The following ZSWIM5 variants were observed in gnomAD, a reference collection of about 807,000 sequenced individuals.
ZSWIM5 encodes zinc finger SWIM-type containing 5, also known as zinc finger SWIM domain-containing protein 5.
In ZSWIM5, 55 loss-of-function variants were observed where a neutral mutation model predicts 119.6. That is an observed-to-expected ratio of 0.46 (90% CI 0.37 to 0.58). The LOEUF (loss-of-function observed/expected upper bound fraction) is 0.58. Ranked by LOEUF, ZSWIM5 falls within the 20% of genes least tolerant of loss-of-function variation. ZSWIM5 has a pLI of 0.00. For missense variants in ZSWIM5, 1,193 were observed against 1,512.8 expected, an observed-to-expected ratio of 0.79 and a Z score of 3.51; for synonymous variants, 537 against 606.9, an observed-to-expected ratio of 0.88 and a Z score of 1.69.
At chr1:45,111,714 A>G (rs143406943) in intron 1 of ZSWIM5, among the ~76,000 whole-genome samples, 3 of 152,376 alleles carry the variant, frequency 2.0e-5, no homozygotes, top group Admixed American at 6.5e-5. Flanking sequence ...CGCTGTATCA[A>G]TCTGACATTG....
intron 1 of ZSWIM5, among the ~76,000 whole-genome samples, chr1:45,182,321 G>A (rs976967232): frequency 4.0e-5 from 6 of 151,670 alleles, no homozygotes; most frequent in South Asian, 4.1e-4. Flanking sequence ...GGAGAATGGC[G>A]TGAACCCAGA....
chr1:45,131,231 T>C (rs1645654675), intron 1 of ZSWIM5, among the ~76,000 whole-genome samples: 1 of 152,174 alleles, frequency 6.6e-6, no homozygotes, highest in South Asian at 2.1e-4. Flanking sequence ...GAAGGTGTTA[T>C]CATTGGGGGA....
At chr1:45,043,474 G>A in intron 5 of ZSWIM5, 79 bp from the exon 6 acceptor site, 1 of 1,412,222 alleles carries the variant, frequency 7.1e-7, no homozygotes, top group Non-Finnish European at 9.9e-7. Context: ...CAGGGTGGGA[G>A]GTTGGCTGAA....
At chr1:45,053,762 CAAAAAAAAA>C (rs10675427) in intron 4 of ZSWIM5, among the ~76,000 whole-genome samples, 6 of 92,068 alleles carry the variant, frequency 6.5e-5, no homozygotes, top group African/African-American at 2.6e-4. Context: ...GACTCTGTTT[CAAAAAAAAA>C]AAAAAAAAAA....
chr1:45,087,753 T>C (rs1645339742), intron 2 of ZSWIM5, 128 bp downstream of exon 2: 1 of 697,332 alleles, frequency 1.4e-6, no homozygotes, highest in Non-Finnish European at 2.5e-6. Context: ...AGTTAAGTGA[T>C]TGCAACTGCA....
intron 8 of ZSWIM5, among the ~76,000 whole-genome samples, chr1:45,037,129 G>C (rs1384577289): frequency 1.7e-5 from 1 of 60,508 alleles, no homozygotes; most frequent in Non-Finnish European, 3.3e-5. Flanking sequence ...TTTTTTTTTT[G>C]AGAGGGAGTC....
At chr1:45,064,516 A>G (rs1645172077) in intron 2 of ZSWIM5, among the ~76,000 whole-genome samples, 1 of 152,222 alleles carries the variant, frequency 6.6e-6, no homozygotes, top group Admixed American at 6.5e-5. Context: ...AAAAGAAAAC[A>G]AATATACTCC....
intron 1 of ZSWIM5, among the ~76,000 whole-genome samples, chr1:45,184,800 A>G (rs1348023668): frequency 1.3e-5 from 2 of 152,108 alleles, no homozygotes; most frequent in African/African-American, 4.8e-5. Flanking sequence ...GGAAGAATCA[A>G]TATCATGAAA....
chr1:45,044,790 AATATATATATATAAATATAT>A (rs1557746545), intron 5 of ZSWIM5, among the ~76,000 whole-genome samples: 4 of 690 alleles, frequency 5.8e-3, no homozygotes, highest in African/African-American at 0.014. Context: ...TATATATATA[AATATATATATATAAATATAT>A]ATATATATAT....
intron 1 of ZSWIM5, among the ~76,000 whole-genome samples, chr1:45,186,990 T>C (rs1476630410): frequency 6.6e-6 from 1 of 152,220 alleles, no homozygotes; most frequent in Non-Finnish European, 1.5e-5. Flanking sequence ...GTTACAGTAG[T>C]AGTTTCCTTA....
At chr1:45,124,251 GA>G (rs894884066) in intron 1 of ZSWIM5, among the ~76,000 whole-genome samples, 9 of 150,850 alleles carry the variant, frequency 6.0e-5, no homozygotes, top group Admixed American at 2.6e-4. Flanking sequence ...TTGACACTTG[GA>G]AAAAAAAATT....
chr1:45,029,876 A>G (rs1411093272), intron 11 of ZSWIM5, among the ~76,000 whole-genome samples: 1 of 152,218 alleles, frequency 6.6e-6, no homozygotes. Flanking sequence ...TAATGTTATT[A>G]TAAATGTACA....
chr1:45,018,856 C>T lies in ZSWIM5; in HGVS notation c.3156G>A (p.Leu1052=). The change falls in exon 14 of 14, where the codon CTG becomes CTA. Residue 1052 remains leucine, a synonymous_variant. Coordinates refer to ENST00000359600, the MANE Select transcript of ZSWIM5 (RefSeq NM_020883.2). This position sits in a 1 kb window ranked among gnomAD's most constrained non-coding sequence, Gnocchi z 6.7. ...TGAGAGCTGCCAGCTCATTCTTGCC[C>T]AGAGAGTGGCTGAGAGCACAAGCCC... ...VLWACALSHS[L]GKNELAALIP... is the part of the protein sequence containing the mutation. 1.2e-6 allele frequency: 2 copies of T among 1,614,196 alleles called. No individual in the cohort carries two copies. The highest frequency in any genetic ancestry group is 1.7e-6 in the Non-Finnish European group (2 of 1,180,036).
At chr1:45,132,931 A>G (rs995317513) in intron 1 of ZSWIM5, among the ~76,000 whole-genome samples, 2 of 152,150 alleles carry the variant, frequency 1.3e-5, no homozygotes, top group African/African-American at 4.8e-5. Flanking sequence ...TGTCCCTACA[A>G]AGGACATGAA....
At chr1:45,171,437 G>A (rs964473747) in intron 1 of ZSWIM5, among the ~76,000 whole-genome samples, 4 of 152,024 alleles carry the variant, frequency 2.6e-5, no homozygotes, top group Admixed American at 1.3e-4. Flanking sequence ...ACCTACAGTG[G>A]TAGGTAACTG....
chr1:45,183,482 CA>C (rs1646035907), intron 1 of ZSWIM5, among the ~76,000 whole-genome samples: 1 of 151,870 alleles, frequency 6.6e-6, no homozygotes, highest in East Asian at 1.9e-4. Flanking sequence ...AAAGGATCAA[CA>C]AAATTGATAC....
rs1400332677 is a variant in ZSWIM5 at position 45,087,740 on chromosome 1, T to G, written c.952+141A>C. The G allele has an allele frequency of 7.6e-6, 5 of 661,604 alleles. No homozygotes were observed. In the Admixed American group the frequency reaches 1.3e-4, roughly 17 times the overall value. The allele number at this position is 661,604 out of a possible 1,614,324, so 41.0% of individuals were successfully genotyped here. ...AGTTGTTTGGATAGAATGAAATGATTAAAGTTAAGTGATTGCAACTGCAGA... is the reference window on the plus strand; with the variant it reads ...AGTTGTTTGGATAGAATGAAATGATGAAAGTTAAGTGATTGCAACTGCAGA... On this transcript the variant is annotated intron_variant, in intron 2 of 13. Transcript: ENST00000359600.
At position 45,205,936 on chromosome 1, in the gene ZSWIM5, G is replaced by A. The variant is rs1646186787; in HGVS notation, c.415C>T (p.Pro139Ser). ...AAGASPAEEG[P>S]QPPPGAAAPA... is the part of the protein sequence containing the mutation. ...GCGGCGGCCCCGGGGGGTGGCTGCG[G>A]CCCCTCCTCGGCCGGCGAAGCCCCC... The change falls in exon 1 of 14, where the codon CCG becomes TCG. Residue 139 changes from proline (P) to serine (S), a missense_variant. This residue lies in a region of ZSWIM5 where 232 missense variants were observed against 222.9 expected (regional missense o/e 1.04). Transcript: ENST00000359600. 8 of 1,193,904 alleles carry A rather than the reference G, an allele frequency of 6.7e-6. No individual in the cohort carries two copies. The highest frequency in any genetic ancestry group is 8.3e-6 in the Non-Finnish European group (8 of 961,454). 74.0% of individuals were successfully genotyped at this position (1,193,904 alleles called of 1,614,324 possible).
intron 11 of ZSWIM5, among the ~76,000 whole-genome samples, chr1:45,024,712 T>C (rs931757347): frequency 6.6e-6 from 1 of 152,068 alleles, no homozygotes; most frequent in Non-Finnish European, 1.5e-5. Context: ...TGGAGTGCAA[T>C]GGTGCGATCT....
Sources: allele counts gnomAD v4.1 joint callset (sites outside exome capture counted in the v4.1 genomes callset), GRCh38; gene constraint gnomAD v4.1.1; regional missense constraint gnomAD v4.1.1; non-coding constraint Gnocchi (gnomAD v3.1); transcripts MANE v1.5; gene names NCBI Gene and HGNC (gene_info 2026-07-23, HGNC 2026-07-21).